Variants in SEMA3D observed in about 807,000 individuals in gnomAD.
SEMA3D encodes the protein semaphorin 3D, also known as semaphorin-3D.
SEMA3D carries 84 observed loss-of-function variants against 100.1 expected under a neutral mutation model. The ratio of observed to expected loss-of-function variants is 0.84; its 90% confidence interval spans 0.70 to 1.01. SEMA3D has a LOEUF of 1.01. Among genes scored for constraint, SEMA3D ranks in the 50% least tolerant of loss-of-function variants. The pLI, the probability that SEMA3D is intolerant of heterozygous loss-of-function variation, is 0.00. For missense variants in SEMA3D, 875 were observed against 934.1 expected (o/e 0.94, Z 0.82); for synonymous variants, 312 against 320.7 (o/e 0.97, Z 0.29).
intron 18 of SEMA3D, among the ~76,000 whole-genome samples, chr7:85,000,467 G>T (rs1789625737): frequency 6.6e-6 from 1 of 152,130 alleles, no homozygotes; most frequent in Admixed American, 6.6e-5. Flanking sequence ...AAAGGTACGG[G>T]TATAGTCTTT....
chr7:85,120,355 C>T (rs1789372858), intron 3 of SEMA3D, among the ~76,000 whole-genome samples: 1 of 151,940 alleles, frequency 6.6e-6, no homozygotes, highest in South Asian at 2.1e-4. Context: ...AAATGGAAGA[C>T]ATTCAAATAC....
intron 8 of SEMA3D, among the ~76,000 whole-genome samples, chr7:85,059,642 C>T (rs1193812745): frequency 6.6e-6 from 1 of 151,962 alleles, no homozygotes; most frequent in Non-Finnish European, 1.5e-5. Flanking sequence ...CTCAGTGATT[C>T]GAAACCGAAA....
rs17159589 is a variant in SEMA3D at position 85,063,173 on chromosome 7, T to G, written c.718+2251A>C. The stretch of plus-strand genomic sequence containing the variant: ...AGATTCCATATTTACAGACAAAGAA[T>G]TTGAATGGACATTAAAGTTTGACCA... On this transcript the variant is annotated intron_variant, in intron 8 of 18. Transcript: ENST00000284136. 6.4e-3 allele frequency among the ~76,000 whole-genome samples: 971 copies of G among 152,266 alleles called. 8 individuals are homozygous for G. Among genetic ancestry groups the G allele is most frequent in the African/African-American group, 0.022 (927 of 41,564 alleles).
chr7:85,202,467 A>C, the SEMA3D span, among the ~76,000 whole-genome samples: 3 of 152,002 alleles, frequency 2.0e-5, no homozygotes, highest in Non-Finnish European at 4.4e-5. Context: ...ATTGTTGGAC[A>C]TTTGGGTTGG....
rs778332744 is a variant in SEMA3D at position 85,015,187 on chromosome 7, T to C, written c.1575A>G (p.Gly525=). 7 of 1,610,306 alleles carry C rather than the reference T, an allele frequency of 4.3e-6. No homozygotes were observed. Among genetic ancestry groups the C allele is most frequent in the Non-Finnish European group, 5.9e-6 (7 of 1,177,398 alleles). The part of the protein sequence containing the change: ...QQQLYIGSRD[G]LVQLSLHRCD... ...ATCTGTGCAAGGAGAGCTGAACCAA[T>C]CCATCTCGGGAACCAATGTACAATT... The change falls in exon 16 of 19, where the codon GGA becomes GGG. Residue 525 remains glycine (G), a synonymous_variant. Transcript: ENST00000284136.
At chr7:85,183,885 C>A (rs1227765782) in intron 1 of SEMA3D, among the ~76,000 whole-genome samples, 1 of 152,158 alleles carries the variant, frequency 6.6e-6, no homozygotes, top group Non-Finnish European at 1.5e-5. Context: ...TTTAGGTATT[C>A]AGGTCATGAG....
chr7:85,111,602 T>G (rs1789096698), intron 3 of SEMA3D, among the ~76,000 whole-genome samples: 1 of 152,192 alleles, frequency 6.6e-6, no homozygotes, highest in African/African-American at 2.4e-5. Flanking sequence ...AGCCTCAAAC[T>G]TGGCTCCCTA....
At chr7:85,006,070 C>T (rs1266209167) in intron 18 of SEMA3D, among the ~76,000 whole-genome samples, 4 of 151,918 alleles carry the variant, frequency 2.6e-5, no homozygotes, top group Admixed American at 6.6e-5. Context: ...GTACCCTTTC[C>T]TGATCCACAT....
Position 85,022,420 on chromosome 7 carries a change from C to T in SEMA3D, c.1385G>A (p.Gly462Asp). 1 of 1,612,004 alleles carries T rather than the reference C, an allele frequency of 6.2e-7. No homozygotes were observed. The highest frequency in any genetic ancestry group is 8.5e-7 in the Non-Finnish European group (1 of 1,178,506). The change falls in exon 13 of 19, where the codon GGC becomes GAC. Residue 462 changes from glycine (G) to aspartate (D), a missense_variant. Physicochemically the swap from Gly to Asp is moderately conservative, Grantham distance 94. Transcript: ENST00000284136. Reference protein sequence around the residue: ...IVVDHVIAEDGQYDVMFLGTD... With the variant: ...IVVDHVIAEDDQYDVMFLGTD... ...TCCAAGAAACATTACATCGTACTGG[C>T]CATCTTCTGCAATGACATGATCCAC...
the SEMA3D span, among the ~76,000 whole-genome samples, chr7:85,243,776 A>C: frequency 6.6e-6 from 1 of 152,200 alleles, no homozygotes; most frequent in Non-Finnish European, 1.5e-5. Context: ...AACTCATTAT[A>C]TTGGAAAGTA....
the SEMA3D span, among the ~76,000 whole-genome samples, chr7:85,217,257 G>A: frequency 2.0e-5 from 3 of 151,848 alleles, no homozygotes; most frequent in Non-Finnish European, 2.9e-5. Context: ...GTTTAGCATC[G>A]CCCTCAGTGA....
At chr7:85,129,170 C>CGTGAGCCT (rs1789654261) in intron 2 of SEMA3D, among the ~76,000 whole-genome samples, 2 of 151,848 alleles carry the variant, frequency 1.3e-5, no homozygotes, top group Admixed American at 1.3e-4. Context: ...GGATTACAGG[C>CGTGAGCCT]GTGAGCCACT....
chr7:85,138,881 C>T (rs1351139617), intron 2 of SEMA3D, among the ~76,000 whole-genome samples: 5 of 151,450 alleles, frequency 3.3e-5, no homozygotes, highest in Non-Finnish European at 5.9e-5. Context: ...TTGTTCAACT[C>T]CCATTTTGGA....
At chr7:85,151,889 C>T in intron 2 of SEMA3D, 1 of 200,730 alleles carries the variant, frequency 5.0e-6, no homozygotes, top group Non-Finnish European at 8.9e-6. Context: ...GTCCACAAAA[C>T]TTTTTTGCAA....
At chr7:85,085,677 T>G (rs1356577702) in intron 4 of SEMA3D, among the ~76,000 whole-genome samples, 1 of 152,158 alleles carries the variant, frequency 6.6e-6, no homozygotes, top group Non-Finnish European at 1.5e-5. Context: ...CAGGGAGCAC[T>G]GTGGAGCGCT....
At chr7:85,139,792 T>G (rs1789989205) in intron 2 of SEMA3D, among the ~76,000 whole-genome samples, 1 of 152,060 alleles carries the variant, frequency 6.6e-6, no homozygotes, top group African/African-American at 2.4e-5. Context: ...TATGAAATAC[T>G]ATTGTATTTT....
the SEMA3D span, among the ~76,000 whole-genome samples, chr7:85,247,236 T>A: frequency 6.6e-6 from 1 of 152,042 alleles, no homozygotes; most frequent in Non-Finnish European, 1.5e-5. Context: ...CACATTCACC[T>A]AAGCTTTTCC....
At chr7:85,084,416 G>A (rs1171765733) in intron 4 of SEMA3D, among the ~76,000 whole-genome samples, 2 of 152,014 alleles carry the variant, frequency 1.3e-5, no homozygotes, top group East Asian at 1.9e-4. Context: ...GTACTTGCTG[G>A]TTCTTCAATA....
rs573801695 is a variant in SEMA3D at position 85,078,479 on chromosome 7, C to T, written c.375+3038G>A. Among the ~76,000 whole-genome samples, 10 of 152,282 alleles carry T rather than the reference C, an allele frequency of 6.6e-5. No individual in the cohort carries two copies. In the South Asian group the frequency reaches 2.1e-3, roughly 32 times the overall value. On this transcript the variant is annotated intron_variant, in intron 5 of 18. Transcript: ENST00000284136. ...GTTGAGCTGACAAACAGAGCCCAGGCTACCCTCACCCTGTGGTTTCTTTTG... is the reference window on the plus strand; with the variant it reads ...GTTGAGCTGACAAACAGAGCCCAGGTTACCCTCACCCTGTGGTTTCTTTTG...
Sources: allele counts gnomAD v4.1 joint callset (sites outside exome capture counted in the v4.1 genomes callset), GRCh38; gene constraint gnomAD v4.1.1; transcripts MANE v1.5; gene names NCBI Gene and HGNC (gene_info 2026-07-23, HGNC 2026-07-21).